SLC12A7: variants seen among roughly 807,000 people sequenced by gnomAD.
SLC12A7 encodes the protein K-Cl cotransporter 4.
SLC12A7 carries 100 observed loss-of-function variants against 120.6 expected under a neutral mutation model. The ratio of observed to expected loss-of-function variants is 0.83; its 90% CI spans 0.71 to 0.98. The LOEUF (loss-of-function observed/expected upper bound fraction) is 0.98, where lower values mean the gene tolerates loss of function less well. Among genes scored for constraint, SLC12A7 ranks in the 50% least tolerant of loss-of-function variants. The pLI, the probability that SLC12A7 is intolerant of heterozygous loss-of-function variation, is 0.00. For synonymous variants in SLC12A7, 760 were observed against 678.0 expected (o/e 1.12, Z -1.88); for missense variants, 1,373 against 1,548.1 (o/e 0.89, Z 1.90).
upstream of SLC12A7, chr5:1,112,083 C>A (rs1406809091): frequency 1.7e-6 from 2 of 1,171,480 alleles, no homozygotes; most frequent in Admixed American, 4.5e-5. Flanking sequence ...GGGCGGGGTC[C>A]GACCGAGCCG....
chr5:1,152,536 C>T, the SLC12A7 span, among the ~76,000 whole-genome samples: 2 of 147,156 alleles, frequency 1.4e-5, no homozygotes, highest in Non-Finnish European at 3.0e-5. Flanking sequence ...GACCCATCCC[C>T]TAGAGAAGGG....
intron 3 of SLC12A7, among the ~76,000 whole-genome samples, chr5:1,091,575 G>A (rs1358279042): frequency 6.6e-6 from 1 of 152,218 alleles, no homozygotes; most frequent in East Asian, 1.9e-4. Context: ...GTACCAGCCT[G>A]AGCCCATGAG....
chr5:1,121,423 C>T, the SLC12A7 span, among the ~76,000 whole-genome samples: 17 of 152,180 alleles, frequency 1.1e-4, no homozygotes, highest in South Asian at 1.0e-3. Flanking sequence ...CGCCCGTGTG[C>T]GGATCCCCCT....
intron 21 of SLC12A7, among the ~76,000 whole-genome samples, chr5:1,058,838 C>T (rs1242825699): frequency 2.6e-5 from 4 of 152,158 alleles, no homozygotes; most frequent in African/African-American, 7.2e-5. Context: ...CGAGGGCCAC[C>T]GTGTAAGTCA....
intron 1 of SLC12A7, among the ~76,000 whole-genome samples, chr5:1,096,832 AGG>A (rs1741279537): frequency 2.3e-5 from 1 of 42,962 alleles, no homozygotes; most frequent in Admixed American, 3.9e-4. Context: ...GAGGGAAGGA[AGG>A]AGGGAGGGAG....
At chr5:1,121,727 C>T in the SLC12A7 span, among the ~76,000 whole-genome samples, 14 of 152,276 alleles carry the variant, frequency 9.2e-5, no homozygotes, top group African/African-American at 3.4e-4. Context: ...CCCTGCCCGC[C>T]CCAGCCATGC....
At chr5:1,095,716 T>C (rs1741065450) in intron 1 of SLC12A7, among the ~76,000 whole-genome samples, 1 of 152,212 alleles carries the variant, frequency 6.6e-6, no homozygotes, top group Admixed American at 6.5e-5. Context: ...ATTTCAGATG[T>C]GCCAGAGCCC....
intron 1 of SLC12A7, among the ~76,000 whole-genome samples, chr5:1,098,149 C>G (rs868110481): frequency 3.3e-4 from 38 of 114,522 alleles, no homozygotes; most frequent in Middle Eastern, 4.9e-3. Flanking sequence ...CCCCACAACC[C>G]TCTGCAAGCC....
chr5:1,107,591 C>G (rs965430386), intron 1 of SLC12A7, among the ~76,000 whole-genome samples: 2 of 152,328 alleles, frequency 1.3e-5, no homozygotes, highest in Admixed American at 6.5e-5. Flanking sequence ...GACTTCGGCC[C>G]CGACCAGCCG....
the SLC12A7 span, among the ~76,000 whole-genome samples, chr5:1,146,518 C>G: frequency 1.3e-5 from 2 of 152,192 alleles, no homozygotes; most frequent in African/African-American, 4.8e-5. The surrounding 1 kb of genome is among the most constrained non-coding windows in gnomAD (Gnocchi z 6.5). Flanking sequence ...TGGACCCCTC[C>G]TCTGGGCCAG....
At chr5:1,053,512 C>T (rs766524856) in intron 22 of SLC12A7, 30 bp from the exon 23 acceptor site, 30 of 1,607,322 alleles carry the variant, frequency 1.9e-5, no homozygotes, top group Middle Eastern at 3.4e-4. Context: ...GGTCAGCGGG[C>T]GGCGGGTGCA....
chr5:1,074,237 G>C (rs1358088987), intron 16 of SLC12A7, among the ~76,000 whole-genome samples: 2 of 151,650 alleles, frequency 1.3e-5, no homozygotes, highest in East Asian at 3.9e-4. Context: ...CAATGGCCCG[G>C]GGCACACACC....
intron 3 of SLC12A7, among the ~76,000 whole-genome samples, chr5:1,092,829 G>A (rs1233858586): frequency 1.3e-5 from 2 of 152,084 alleles, no homozygotes; most frequent in African/African-American, 2.4e-5. Flanking sequence ...GCCACCCGCC[G>A]CACCCCCACA....
the SLC12A7 span, among the ~76,000 whole-genome samples, chr5:1,148,251 G>A: frequency 3.9e-5 from 5 of 128,340 alleles, no homozygotes; most frequent in Non-Finnish European, 6.1e-5. Flanking sequence ...CTGTCACCCA[G>A]GCTGGAGTGC....
rs1734947501 is a variant in SLC12A7 at position 1,050,670 on chromosome 5, C to T, written c.*1690G>A. On this transcript the variant is annotated 3_prime_UTR_variant, in exon 24 of 24. Coordinates refer to ENST00000264930, the MANE Select transcript of SLC12A7 (RefSeq NM_006598.3). Reference sequence around the variant, plus strand: ...ACCATGTGGCCGCTGTGCCTCTAGCCTGCTCTCCTCCAGGTGCAGGGGACA... The same window carrying T: ...ACCATGTGGCCGCTGTGCCTCTAGCTTGCTCTCCTCCAGGTGCAGGGGACA... 2 of 392,812 alleles carry T rather than the reference C, an allele frequency of 5.1e-6. No individual in the cohort carries two copies. Among genetic ancestry groups the T allele is most frequent in the Non-Finnish European group, 9.0e-6 (2 of 222,958 alleles). The allele number at this position is 392,812 out of a possible 1,614,324, so 24.3% of individuals were successfully genotyped here.
intron 3 of SLC12A7, among the ~76,000 whole-genome samples, chr5:1,093,200 C>T (rs1231855786): frequency 6.6e-6 from 1 of 152,198 alleles, no homozygotes; most frequent in Non-Finnish European, 1.5e-5. Flanking sequence ...ACGTCCCGGC[C>T]TCTCGGCACC....
At chr5:1,078,931 C>G (rs904199891) in intron 10 of SLC12A7, among the ~76,000 whole-genome samples, 173 bp from the exon 11 acceptor site, 1 of 152,116 alleles carries the variant, frequency 6.6e-6, no homozygotes, top group African/African-American at 2.4e-5. Flanking sequence ...TCCTGTCCCC[C>G]GTGTCCTCAG....
At chr5:1,061,678 G>A (rs961158784) in intron 20 of SLC12A7, among the ~76,000 whole-genome samples, 17 of 152,210 alleles carry the variant, frequency 1.1e-4, no homozygotes, top group African/African-American at 3.1e-4. Context: ...GATCAGGTGC[G>A]GTGGCTCACA....
At chr5:1,057,908 C>T (rs1006980209) in intron 21 of SLC12A7, among the ~76,000 whole-genome samples, 8 of 152,228 alleles carry the variant, frequency 5.3e-5, no homozygotes, top group Non-Finnish European at 1.0e-4. Context: ...CCCATGACCC[C>T]GTACTGACAG....
Sources: allele counts gnomAD v4.1 joint callset (sites outside exome capture counted in the v4.1 genomes callset), GRCh38; gene constraint gnomAD v4.1.1; non-coding constraint Gnocchi (gnomAD v3.1); transcripts MANE v1.5; gene names NCBI Gene and HGNC (gene_info 2026-07-23, HGNC 2026-07-21).